WDFY4: variants seen among roughly 807,000 people sequenced by gnomAD.
The protein encoded by WDFY4 is WDFY family member 4.
WDFY4 carries 169 observed loss-of-function variants against 351.9 expected under a neutral mutation model. That is an observed-to-expected ratio of 0.48 (90% CI 0.42 to 0.55). WDFY4 has a LOEUF of 0.55. WDFY4 is among the 20% of genes least tolerant of loss of function. The pLI, the probability that WDFY4 is intolerant of heterozygous loss-of-function variation, is 0.00. For synonymous variants in WDFY4, 1,622 were observed against 1,574.6 expected, an observed-to-expected ratio of 1.03 and a Z score of -0.71; for missense variants, 3,803 against 3,935.6, an observed-to-expected ratio of 0.97 and a Z score of 0.90.
chr10:48,969,782 A>C (rs1842257523), intron 56 of WDFY4, among the ~76,000 whole-genome samples: 3 of 148,448 alleles, frequency 2.0e-5, no homozygotes, highest in Non-Finnish European at 3.0e-5. Context: ...CCTATCCCCC[A>C]AGCTCTCCCC....
chr10:48,843,453 A>G (rs2068675178), intron 39 of WDFY4, among the ~76,000 whole-genome samples: 1 of 152,228 alleles, frequency 6.6e-6, no homozygotes, highest in Non-Finnish European at 1.5e-5. Context: ...ATGAACACAG[A>G]GATGACACAT....
chr10:48,920,838 C>T (rs1027103597), intron 47 of WDFY4, among the ~76,000 whole-genome samples: 1 of 152,238 alleles, frequency 6.6e-6, no homozygotes, highest in African/African-American at 2.4e-5. Context: ...GCACACAAAA[C>T]ACCCATTGCA....
chr10:48,865,226 T>A (rs983673419), intron 39 of WDFY4, among the ~76,000 whole-genome samples: 2 of 152,190 alleles, frequency 1.3e-5, no homozygotes, highest in African/African-American at 4.8e-5. Context: ...CTTTATGAGA[T>A]TGAGAAAATT....
chr10:48,736,747 G>A (rs994230860), intron 11 of WDFY4, among the ~76,000 whole-genome samples: 1 of 152,170 alleles, frequency 6.6e-6, no homozygotes, highest in Non-Finnish European at 1.5e-5. Flanking sequence ...GACACTGAGG[G>A]CAGGTTGCTA....
chr10:48,754,603 C>T (rs2065278542), intron 12 of WDFY4, among the ~76,000 whole-genome samples: 1 of 151,154 alleles, frequency 6.6e-6, no homozygotes, highest in South Asian at 2.1e-4. Flanking sequence ...TTATATTATA[C>T]ACAATAATTA....
At chr10:48,763,177 T>G (rs1333414284) in intron 13 of WDFY4, among the ~76,000 whole-genome samples, 1 of 152,222 alleles carries the variant, frequency 6.6e-6, no homozygotes, top group African/African-American at 2.4e-5. Flanking sequence ...GGAATGCTAT[T>G]TCTCCAATCT....
chr10:48,761,651 C>A (rs2065510223), intron 13 of WDFY4, among the ~76,000 whole-genome samples: 1 of 152,094 alleles, frequency 6.6e-6, no homozygotes, highest in African/African-American at 2.4e-5. Flanking sequence ...TGGGTGAGGG[C>A]ATGGAGTAAC....
intron 47 of WDFY4, among the ~76,000 whole-genome samples, chr10:48,916,516 G>A (rs1196277043): frequency 6.6e-6 from 1 of 152,172 alleles, no homozygotes; most frequent in Non-Finnish European, 1.5e-5. Context: ...CAGAGCTGGG[G>A]GGTTGCTTTG....
intron 1 of WDFY4, among the ~76,000 whole-genome samples, chr10:48,706,070 TG>T (rs2063618676): frequency 6.6e-6 from 1 of 152,210 alleles, no homozygotes; most frequent in Admixed American, 6.5e-5. Flanking sequence ...TTCAGAGTCC[TG>T]GGGAAATCCT....
chr10:48,762,292 G>T (rs936500379), intron 13 of WDFY4, among the ~76,000 whole-genome samples: 3 of 152,200 alleles, frequency 2.0e-5, no homozygotes, highest in African/African-American at 7.2e-5. Context: ...AGTGTTTGGC[G>T]CAGGAGTTAA....
chr10:48,960,696 A>G (rs918142890), intron 53 of WDFY4, among the ~76,000 whole-genome samples: 21 of 152,250 alleles, frequency 1.4e-4, no homozygotes, highest in Non-Finnish European at 5.9e-5. Flanking sequence ...TAAACAAATG[A>G]TATATCCACA....
At chr10:48,773,731 G>T (rs2065940309) in intron 13 of WDFY4, among the ~76,000 whole-genome samples, 1 of 152,222 alleles carries the variant, frequency 6.6e-6, no homozygotes, top group Non-Finnish European at 1.5e-5. Context: ...GATGAGAGTG[G>T]CTTCAGCAAA....
At chr10:48,842,092 C>G (rs965116919) in intron 39 of WDFY4, among the ~76,000 whole-genome samples, 9 of 151,818 alleles carry the variant, frequency 5.9e-5, no homozygotes, top group African/African-American at 2.2e-4. Flanking sequence ...GATGATTTTT[C>G]CAGGAATAAT....
intron 8 of WDFY4, 98 bp downstream of exon 8, chr10:48,729,687 G>A: frequency 1.4e-6 from 2 of 1,416,106 alleles, no homozygotes; most frequent in African/African-American, 1.4e-5. Flanking sequence ...ACCTTTCAAT[G>A]GTGCAGTAGG....
intron 47 of WDFY4, chr10:48,910,072 G>A (rs1837859642): frequency 1.5e-6 from 1 of 650,046 alleles, no homozygotes; most frequent in Non-Finnish European, 2.8e-6. Flanking sequence ...GCTAAGGGAG[G>A]TGAAGTGAAT....
chr10:48,695,217 C>G (rs1031263776), intron 1 of WDFY4, among the ~76,000 whole-genome samples: 6 of 152,206 alleles, frequency 3.9e-5, no homozygotes, highest in African/African-American at 1.4e-4. Context: ...CTGCTTTTCT[C>G]TGGGGCAACA....
intron 47 of WDFY4, among the ~76,000 whole-genome samples, chr10:48,919,091 G>A (rs2943248): frequency 0.34 from 51,059 of 151,818 alleles, 9,072 homozygotes; most frequent in Non-Finnish European, 0.39. Flanking sequence ...AAGCCTTAAC[G>A]AATTTAAAGG....
At chr10:48,823,238 G>C in intron 35 of WDFY4, 2 of 1,302,422 alleles carry the variant, frequency 1.5e-6, no homozygotes, top group Non-Finnish European at 2.0e-6. Flanking sequence ...GGAAACCTTT[G>C]CTCAAACCCT....
At chr10:48,936,215 C>A (rs1366419175) in intron 47 of WDFY4, among the ~76,000 whole-genome samples, 1 of 151,824 alleles carries the variant, frequency 6.6e-6, no homozygotes, top group African/African-American at 2.4e-5. Context: ...CAAAACAAAT[C>A]ATTAAATGAG....
Sources: gnomAD v4.1 joint callset for allele counts (sites outside exome capture counted in the v4.1 genomes callset) on GRCh38, gnomAD v4.1.1 for gene constraint, MANE v1.5 for transcripts, NCBI Gene and HGNC (gene_info 2026-07-23, HGNC 2026-07-21) for gene names.